The following ARHGEF26 variants were observed in gnomAD, a reference collection of about 807,000 sequenced individuals.
ARHGEF26 encodes the protein Rho guanine nucleotide exchange factor 26.
In ARHGEF26, 59 loss-of-function variants were observed where a neutral mutation model predicts 89.4. That is an observed-to-expected ratio of 0.66 (90% CI 0.54 to 0.82). The LOEUF (loss-of-function observed/expected upper bound fraction) is 0.82. ARHGEF26 is among the 40% of genes least tolerant of loss of function. The probability of loss-of-function intolerance (pLI) is 0.00; values close to 1 mark genes in which losing one functional copy is unlikely to be tolerated. For synonymous variants in ARHGEF26, 500 were observed against 428.4 expected, an observed-to-expected ratio of 1.17 and a Z score of -2.06; for missense variants, 1,234 against 1,085.6, an observed-to-expected ratio of 1.14 and a Z score of -1.92.
intron 11 of ARHGEF26, among the ~76,000 whole-genome samples, chr3:154,234,944 T>G (rs960225357): frequency 7.9e-5 from 12 of 152,198 alleles, no homozygotes; most frequent in African/African-American, 2.9e-4. Flanking sequence ...TTTTTGTATT[T>G]TTAGAGACGG....
rs201282657 is a variant in ARHGEF26 at position 154,152,818 on chromosome 3, T to G, written c.1373T>G (p.Leu458Trp). The change falls in exon 6 of 15, where the codon TTG becomes TGG. Residue 458 changes from leucine (L) to tryptophan (W), a missense_variant. Coordinates refer to ENST00000465093, the MANE Select transcript of ARHGEF26 (RefSeq NM_015595.4). Reference sequence around the variant, plus strand: ...TCTGAACATTCATATTTACTCAGCTTGGAGATCTTGATACGAATGTTTAAA... The same window carrying G: ...TCTGAACATTCATATTTACTCAGCTGGGAGATCTTGATACGAATGTTTAAA... The part of the protein sequence containing the change: ...ISSEHSYLLS[L>W]EILIRMFKNS... 6.4e-7 allele frequency: 1 copy of G among 1,567,248 alleles called. No homozygotes were observed. Among genetic ancestry groups the G allele is most frequent in the Non-Finnish European group, 8.7e-7 (1 of 1,154,704 alleles).
chr3:154,241,523 C>T (rs776714076), intron 12 of ARHGEF26, among the ~76,000 whole-genome samples: 48 of 152,306 alleles, frequency 3.2e-4, no homozygotes, highest in Middle Eastern at 3.4e-3. Flanking sequence ...AGATGATTAA[C>T]GAGAATATTC....
At position 154,255,312 on chromosome 3, in the gene ARHGEF26, A is replaced by C; in HGVS notation, c.2474-19A>C. The C allele has an allele frequency of 6.2e-7, 1 of 1,608,016 alleles. No homozygotes were observed. Among genetic ancestry groups the C allele is most frequent in the Admixed American group, 1.7e-5 (1 of 59,668 alleles). ...TCCAAATACTTGTTGTTTGGTGTGG[A>C]CTCTGTTCTTTTTCACAGGCTGGTA... On this transcript the variant is annotated intron_variant, in intron 14 of 14. Transcript: ENST00000465093.
Position 154,256,781 on chromosome 3 carries a change from A to ATTC in ARHGEF26, c.*1310_*1312dup. On this transcript the variant is annotated 3_prime_UTR_variant, in exon 15 of 15. Coordinates refer to ENST00000465093, the MANE Select transcript of ARHGEF26 (RefSeq NM_015595.4). ...AACCTTTTGACCTTAGTGGGAATTC[A>ATTC]TTCTATTTGCACTAAAAGCCTTAAC... 1 of 1,471,520 alleles carries ATTC rather than the reference A, an allele frequency of 6.8e-7. No homozygotes were observed. The highest frequency in any genetic ancestry group is 1.4e-5 in the African/African-American group (1 of 70,236). The allele number at this position is 1,471,520 out of a possible 1,614,324, so 91.2% of individuals were successfully genotyped here. A position where few individuals can be genotyped will look rare whatever the true frequency, so the allele number is the denominator to read the frequency against.
chr3:154,191,794 T>G (rs981269339), intron 8 of ARHGEF26, among the ~76,000 whole-genome samples: 1 of 152,178 alleles, frequency 6.6e-6, no homozygotes, highest in Non-Finnish European at 1.5e-5. Flanking sequence ...GACTGATCAC[T>G]GAGATCCCTT....
rs567627213 is a variant in ARHGEF26 at position 154,257,179 on chromosome 3, G to C, written c.*1706G>C. The C allele has an allele frequency of 7.9e-6, 4 of 508,162 alleles. No individual in the cohort carries two copies. In the Admixed American group the frequency reaches 1.5e-4, roughly 19 times the overall value. 31.5% of individuals were successfully genotyped at this position (508,162 alleles called of 1,614,324 possible). On this transcript the variant is annotated 3_prime_UTR_variant, in exon 15 of 15. Coordinates refer to ENST00000465093, the MANE Select transcript of ARHGEF26 (RefSeq NM_015595.4). ...GCAATGAGCCAGTGTGGGGCACTGG[G>C]GACTTCTAACCCTTGGATTGCTCTT...
At chr3:154,247,862 A>G (rs1052300657) in intron 12 of ARHGEF26, among the ~76,000 whole-genome samples, 3 of 152,222 alleles carry the variant, frequency 2.0e-5, no homozygotes, top group African/African-American at 7.2e-5. Context: ...CAATGAGACA[A>G]TACTCTGTGA....
chr3:154,161,100 TTG>T (rs761296397), intron 6 of ARHGEF26, among the ~76,000 whole-genome samples: 2,380 of 17,480 alleles, frequency 0.14, 43 homozygotes, highest in Non-Finnish European at 0.25. Flanking sequence ...GTAGCCAGGT[TTG>T]TGTGTGTGTG....
At chr3:154,194,231 C>G (rs1048316963) in intron 8 of ARHGEF26, among the ~76,000 whole-genome samples, 1 of 152,188 alleles carries the variant, frequency 6.6e-6, no homozygotes, top group Admixed American at 6.5e-5. Context: ...AGGGCATACC[C>G]TATGCCAGGC....
intron 6 of ARHGEF26, among the ~76,000 whole-genome samples, chr3:154,161,996 C>T (rs958465636): frequency 7.2e-5 from 11 of 152,146 alleles, no homozygotes; most frequent in Admixed American, 7.2e-4. Flanking sequence ...TCTGAGTTGT[C>T]ACATGGAGAT....
At chr3:154,133,848 A>G (rs1181048836) in intron 4 of ARHGEF26, among the ~76,000 whole-genome samples, 2 of 152,118 alleles carry the variant, frequency 1.3e-5, no homozygotes, top group Non-Finnish European at 2.9e-5. Context: ...ATATTTGTCC[A>G]TTTGTTTATG....
intron 6 of ARHGEF26, among the ~76,000 whole-genome samples, chr3:154,155,004 A>G (rs999052121): frequency 1.3e-5 from 2 of 152,080 alleles, no homozygotes; most frequent in Non-Finnish European, 2.9e-5. Context: ...TCTTCTTCAA[A>G]GAAATTGTAC....
intron 9 of ARHGEF26, among the ~76,000 whole-genome samples, chr3:154,195,450 G>A (rs969701063): frequency 6.6e-6 from 1 of 152,138 alleles, no homozygotes; most frequent in Non-Finnish European, 1.5e-5. Context: ...CCAGTTCTGA[G>A]GCCAGTGATA....
intron 14 of ARHGEF26, 107 bp from the exon 15 acceptor site, chr3:154,255,224 A>T: frequency 1.7e-6 from 2 of 1,164,892 alleles, no homozygotes; most frequent in Non-Finnish European, 2.5e-6. Flanking sequence ...TTCTCACCGT[A>T]GCACTTAGCC....
At chr3:154,222,713 C>T (rs996881113) in intron 10 of ARHGEF26, among the ~76,000 whole-genome samples, 2 of 152,068 alleles carry the variant, frequency 1.3e-5, no homozygotes, top group African/African-American at 4.8e-5. Flanking sequence ...CTTTTCATTC[C>T]AGAAGCTTGA....
intron 8 of ARHGEF26, among the ~76,000 whole-genome samples, chr3:154,193,038 T>G (rs1378275274): frequency 6.8e-6 from 1 of 147,550 alleles, no homozygotes; most frequent in African/African-American, 2.5e-5. Flanking sequence ...GCTTTAAACT[T>G]TTTTTAAGCC....
At chr3:154,208,910 C>T (rs1715197261) in intron 9 of ARHGEF26, among the ~76,000 whole-genome samples, 1 of 151,772 alleles carries the variant, frequency 6.6e-6, no homozygotes, top group African/African-American at 2.4e-5. Context: ...GGATTACAGG[C>T]ACATACCACC....
chr3:154,128,499 A>C (rs1718471049), intron 3 of ARHGEF26, among the ~76,000 whole-genome samples: 2 of 152,084 alleles, frequency 1.3e-5, no homozygotes, highest in African/African-American at 4.8e-5. Context: ...TCAGCCTCCC[A>C]AAGTGCTGAG....
chr3:154,132,624 A>G (rs374355080), intron 4 of ARHGEF26, among the ~76,000 whole-genome samples: 5 of 152,150 alleles, frequency 3.3e-5, no homozygotes, highest in South Asian at 2.1e-4. Flanking sequence ...CGGCACCTCT[A>G]TTTCTCTATC....
Sources: gnomAD v4.1 joint callset for allele counts (sites outside exome capture counted in the v4.1 genomes callset) on GRCh38, gnomAD v4.1.1 for gene constraint, MANE v1.5 for transcripts, NCBI Gene and HGNC (gene_info 2026-07-23, HGNC 2026-07-21) for gene names.